The following ZC3H3 variants were observed in gnomAD, a reference collection of about 807,000 sequenced individuals.
ZC3H3 encodes the protein zinc finger CCCH domain-containing protein 3.
In ZC3H3, 36 loss-of-function variants were observed where a neutral mutation model predicts 77.3. The observed-to-expected ratio is 0.47, with a 90% CI of 0.36 to 0.61. The LOEUF is 0.61. Among genes scored for constraint, ZC3H3 ranks in the 20% least tolerant of loss-of-function variants. The pLI, the probability that ZC3H3 is intolerant of heterozygous loss-of-function variation, is 0.00. For missense variants in ZC3H3, 1,331 were observed against 1,312.2 expected (o/e 1.01, Z -0.22); for synonymous variants, 626 against 555.2 (o/e 1.13, Z -1.79).
intron 4 of ZC3H3, among the ~76,000 whole-genome samples, chr8:143,502,639 A>C (rs1457963731): frequency 6.6e-6 from 1 of 152,236 alleles, no homozygotes; most frequent in African/African-American, 2.4e-5. Flanking sequence ...TCGCACTTTC[A>C]TGTCAAATGA....
chr8:143,529,040 T>C (rs1002454459), intron 3 of ZC3H3, among the ~76,000 whole-genome samples: 1 of 152,206 alleles, frequency 6.6e-6, no homozygotes, highest in African/African-American at 2.4e-5. Context: ...GGAGCTGGCC[T>C]GGCAGAATGG....
intron 3 of ZC3H3, among the ~76,000 whole-genome samples, chr8:143,531,630 CCTAACT>C (rs1822611109): frequency 6.6e-6 from 1 of 152,202 alleles, no homozygotes; most frequent in African/African-American, 2.4e-5. Flanking sequence ...CTCATTATTC[CCTAACT>C]GTTTCCTCCT....
rs1819726196 is a variant in ZC3H3 at position 143,440,996 on chromosome 8, G to A, written c.2432C>T (p.Pro811Leu). 1.4e-6 allele frequency: 2 copies of A among 1,471,956 alleles called. No homozygotes were observed. Among genetic ancestry groups the A allele is most frequent in the African/African-American group, 1.5e-5 (1 of 67,694 alleles). The allele number at this position is 1,471,956 out of a possible 1,614,324, so 91.2% of individuals were successfully genotyped here. A position where few individuals can be genotyped will look rare whatever the true frequency, so the allele number is the denominator to read the frequency against. ...KRHSRRAATS[P>L]APGPSDATAR... ...GGTTGCGTCGCTGGGCCCTGGGGCG[G>A]GGGACGTGGCTGCCCGCCGACTGTG... The change falls in exon 10 of 12, where the codon CCC (proline) becomes CTC (leucine). Residue 811 changes from proline to leucine, a missense_variant. Pro to Leu is a moderately conservative substitution (Grantham distance 98). This residue lies in a region of ZC3H3 where 249 missense variants were observed against 236.9 expected (regional missense o/e 1.05). Transcript: ENST00000262577.
intron 4 of ZC3H3, 75 bp downstream of exon 4, chr8:143,507,671 T>TA: frequency 7.2e-7 from 1 of 1,394,776 alleles, no homozygotes; most frequent in Non-Finnish European, 9.3e-7. Context: ...CCTTGGATTC[T>TA]ACCCTGCAGC....
At chr8:143,520,766 C>T (rs1392081972) in intron 3 of ZC3H3, among the ~76,000 whole-genome samples, 1 of 152,184 alleles carries the variant, frequency 6.6e-6, no homozygotes, top group African/African-American at 2.4e-5. Flanking sequence ...GGGGCTGAAT[C>T]TCACAGTGTC....
rs1031109712 is a variant in ZC3H3, at chr8:143,523,269, G to A, written c.1561+12988C>T. 15 of 972,346 alleles carry A rather than the reference G, an allele frequency of 1.5e-5. No homozygotes were observed. In the South Asian group the frequency reaches 2.9e-4, roughly 19 times the overall value. The allele number at this position is 972,346 out of a possible 1,614,324, so 60.2% of individuals were successfully genotyped here. On this transcript the variant is annotated intron_variant, in intron 3 of 11. Transcript: ENST00000262577. ...ACACAACCCTCCAGGCTTGCTCCAC[G>A]TCCCCAGGGGCTATAGCAAAGACAG... is the stretch of plus-strand genomic sequence containing the variant.
chr8:143,438,235 AG>A (rs2129776207), intron 11 of ZC3H3, 148 bp from the exon 12 acceptor site: 1 of 1,041,906 alleles, frequency 9.6e-7, no homozygotes, highest in East Asian at 2.6e-5. Flanking sequence ...CCTGAGTTCG[AG>A]GGAGAAGAGC....
Position 143,507,879 on chromosome 8 carries a change from G to A in ZC3H3, c.1582C>T (p.Arg528Trp), listed in dbSNP as rs116930274. 3.2e-3 allele frequency: 5,136 copies of A among 1,600,640 alleles called. 16 individuals carry two copies. The highest frequency in any genetic ancestry group is 3.9e-3 in the Non-Finnish European group (4,567 of 1,172,392). ...TKEASSLHAV[R>W]TAPTSKVIKT... ...ATCACCTTGCTGGTGGGTGCAGTCCGCACGGCATGCAGGCTGGACGCTGTA... is the reference window on the plus strand; with the variant it reads ...ATCACCTTGCTGGTGGGTGCAGTCCACACGGCATGCAGGCTGGACGCTGTA... Residue 528 changes from arginine (R) to tryptophan (W), a missense_variant, in exon 4 of 12, where the codon CGG becomes TGG. Physicochemically the swap from Arg to Trp is moderately radical, Grantham distance 101. This residue lies in a region of ZC3H3 where 978 missense variants were observed against 915.5 expected (regional missense o/e 1.07). Transcript: ENST00000262577.
chr8:143,455,548 A>G (rs886232259), intron 9 of ZC3H3, among the ~76,000 whole-genome samples: 1 of 152,186 alleles, frequency 6.6e-6, no homozygotes, highest in Non-Finnish European at 1.5e-5. Context: ...GGTTGCTGAG[A>G]TCTACAGTAA....
intron 1 of ZC3H3, 123 bp from the exon 2 acceptor site, chr8:143,539,443 G>A (rs1822937015): frequency 1.9e-6 from 2 of 1,042,472 alleles, no homozygotes; most frequent in Admixed American, 2.9e-5. Context: ...GCCCCTGCCA[G>A]TTTCAGGAGG....
chr8:143,535,554 C>A (rs1718186567), intron 3 of ZC3H3, among the ~76,000 whole-genome samples: 1 of 152,304 alleles, frequency 6.6e-6, no homozygotes, highest in African/African-American at 2.4e-5. Context: ...GGTGCCACAC[C>A]CAAGGGCTCT....
rs145070892 is a variant in ZC3H3 at position 143,527,157 on chromosome 8, C to A, written c.1561+9100G>T. Among the ~76,000 whole-genome samples, 491 of 152,296 alleles carry A rather than the reference C, an allele frequency of 3.2e-3. 3 individuals are homozygous for A. The highest frequency in any genetic ancestry group is 0.011 in the African/African-American group (473 of 41,576). On this transcript the variant is annotated intron_variant, in intron 3 of 11. Transcript: ENST00000262577. ...GTGACAGAGCCTGTGTCCTGCACCC[C>A]AACACCCACTGCCTGGTGGACTCCT...
intron 9 of ZC3H3, among the ~76,000 whole-genome samples, chr8:143,450,651 G>A (rs545510739): frequency 1.3e-5 from 2 of 152,166 alleles, no homozygotes; most frequent in Admixed American, 6.5e-5. Context: ...GAGAGAGGGG[G>A]CTGGAGCAGG....
Position 143,443,146 on chromosome 8 carries a change from G to A in ZC3H3, c.2308-2026C>T, listed in dbSNP as rs546486271. On this transcript the variant is annotated intron_variant, in intron 9 of 11. Transcript: ENST00000262577. Reference sequence around the variant, plus strand: ...CTAAAAACACAAAAATTAGCTGGGTGTGGTGGCACGCACCTGTAATCCAAG... The same window carrying A: ...CTAAAAACACAAAAATTAGCTGGGTATGGTGGCACGCACCTGTAATCCAAG... Among the ~76,000 whole-genome samples, 3 of 152,134 alleles carry A rather than the reference G, an allele frequency of 2.0e-5. No individual in the cohort carries two copies. In the East Asian group the frequency reaches 5.8e-4, roughly 29 times the overall value.
chr8:143,441,950 A>G (rs747894467), intron 9 of ZC3H3, among the ~76,000 whole-genome samples: 6 of 152,158 alleles, frequency 3.9e-5, no homozygotes, highest in East Asian at 1.9e-4. Flanking sequence ...GGCGTCCCCA[A>G]TGTGAACTGT....
chr8:143,457,142 C>G (rs925195485), intron 9 of ZC3H3, among the ~76,000 whole-genome samples: 1 of 152,150 alleles, frequency 6.6e-6, no homozygotes, highest in Admixed American at 6.5e-5. Context: ...GATATACATT[C>G]TTTTTCAAGT....
intron 2 of ZC3H3, among the ~76,000 whole-genome samples, chr8:143,537,603 T>C (rs1379673011): frequency 6.6e-6 from 1 of 152,180 alleles, no homozygotes; most frequent in Admixed American, 6.5e-5. Context: ...GACACACTGC[T>C]CTCTGTCTCA....
intron 5 of ZC3H3, among the ~76,000 whole-genome samples, chr8:143,474,607 G>A (rs915690103): frequency 2.6e-5 from 4 of 152,194 alleles, no homozygotes; most frequent in Non-Finnish European, 4.4e-5. Context: ...AGACCCTGCC[G>A]TCGGAGTCTA....
rs541133114 is a variant in ZC3H3, at chr8:143,501,579, G to A, written c.1715+6167C>T. On this transcript the variant is annotated intron_variant, in intron 4 of 11. Transcript: ENST00000262577. ...GGTGTGAGCCATCATGCCTGGCCAC[G>A]GGGCGCTGGTTTTACATAAGGATTC... 7.3e-5 allele frequency among the ~76,000 whole-genome samples: 11 copies of A among 150,188 alleles called. No homozygotes were observed. The East Asian group carries it at 2.0e-3, about 27-fold the overall frequency.
Sources: allele counts gnomAD v4.1 joint callset (sites outside exome capture counted in the v4.1 genomes callset), GRCh38; gene constraint gnomAD v4.1.1; regional missense constraint gnomAD v4.1.1; transcripts MANE v1.5; gene names NCBI Gene and HGNC (gene_info 2026-07-23, HGNC 2026-07-21).